The following C8orf34 variants were observed in gnomAD, a reference collection of about 807,000 sequenced individuals.
The protein encoded by C8orf34 is chromosome 8 open reading frame 34.
In C8orf34, 65 loss-of-function variants were observed where a neutral mutation model predicts 68.3. That is an observed-to-expected ratio of 0.95 (90% CI 0.78 to 1.17). C8orf34 has a LOEUF of 1.17. C8orf34 is among the 50% of genes most tolerant of loss of function. The pLI, the probability that C8orf34 is intolerant of heterozygous loss-of-function variation, is 0.00. For synonymous variants in C8orf34, 244 were observed against 241.2 expected, an observed-to-expected ratio of 1.01 and a Z score of -0.11; for missense variants, 664 against 655.4, an observed-to-expected ratio of 1.01 and a Z score of -0.14.
chr8:68,365,672 A>T (rs1390992321), intron 1 of C8orf34, among the ~76,000 whole-genome samples: 1 of 74,802 alleles, frequency 1.3e-5, no homozygotes, highest in Non-Finnish European at 2.4e-5. Context: ...TAGATGCAGA[A>T]AAAACCTTTG....
chr8:68,764,414 CAA>C (rs1413889712), intron 10 of C8orf34, among the ~76,000 whole-genome samples: 1 of 152,144 alleles, frequency 6.6e-6, no homozygotes, highest in African/African-American at 2.4e-5. Context: ...GTGGAGTCAA[CAA>C]TGTAGGAGAG....
chr8:68,705,168 A>G (rs1022671894), intron 8 of C8orf34, among the ~76,000 whole-genome samples: 1 of 152,192 alleles, frequency 6.6e-6, no homozygotes, highest in Non-Finnish European at 1.5e-5. Context: ...TATCTTGCAT[A>G]CAAGTAATAT....
chr8:68,614,602 T>C (rs1014845673), intron 7 of C8orf34, among the ~76,000 whole-genome samples: 1 of 152,148 alleles, frequency 6.6e-6, no homozygotes, highest in Non-Finnish European at 1.5e-5. Context: ...TAGTTGTAGA[T>C]ATGCGGTGTT....
At chr8:68,730,056 C>T (rs1328736327) in intron 10 of C8orf34, among the ~76,000 whole-genome samples, 2 of 152,112 alleles carry the variant, frequency 1.3e-5, no homozygotes, top group East Asian at 3.8e-4. Context: ...TGCAATTTTT[C>T]TTGCAATGTC....
At chr8:68,634,221 A>G (rs911839644) in intron 7 of C8orf34, among the ~76,000 whole-genome samples, 2 of 152,202 alleles carry the variant, frequency 1.3e-5, no homozygotes, top group Non-Finnish European at 2.9e-5. Flanking sequence ...ATAAGTGGGC[A>G]TCTTTCACAT....
At chr8:68,749,262 T>A (rs547055282) in intron 10 of C8orf34, among the ~76,000 whole-genome samples, 2 of 152,028 alleles carry the variant, frequency 1.3e-5, no homozygotes, top group East Asian at 3.9e-4. Flanking sequence ...GGGGAGGGAT[T>A]GCATTGGGAG....
chr8:68,464,695 G>A (rs2129629438), intron 3 of C8orf34, among the ~76,000 whole-genome samples: 1 of 151,094 alleles, frequency 6.6e-6, no homozygotes, highest in African/African-American at 2.4e-5. Context: ...AACAAGCAAT[G>A]GGGAAAGGAT....
At chr8:68,603,553 C>A (rs57805334) in intron 7 of C8orf34, among the ~76,000 whole-genome samples, 39,416 of 149,454 alleles carry the variant, frequency 0.26, 7,494 homozygotes, top group African/African-American at 0.54. Flanking sequence ...ATCTATCTAT[C>A]TATCTATCTA....
chr8:68,428,146 T>C (rs1276911178), intron 1 of C8orf34, among the ~76,000 whole-genome samples: 1 of 151,724 alleles, frequency 6.6e-6, no homozygotes, highest in Non-Finnish European at 1.5e-5. Flanking sequence ...TGAAAATATC[T>C]TCAAGCTTAA....
chr8:68,664,529 A>G (rs941434535), intron 8 of C8orf34, among the ~76,000 whole-genome samples: 1 of 152,226 alleles, frequency 6.6e-6, no homozygotes, highest in Non-Finnish European at 1.5e-5. Flanking sequence ...GCTATTCAAC[A>G]CTTTATTATA....
intron 3 of C8orf34, among the ~76,000 whole-genome samples, chr8:68,456,783 G>A (rs1262861383): frequency 6.6e-6 from 1 of 152,168 alleles, no homozygotes; most frequent in Non-Finnish European, 1.5e-5. Context: ...ATGCAAGCTG[G>A]CATAGGGACA....
At chr8:68,664,627 C>T (rs1819782469) in intron 8 of C8orf34, among the ~76,000 whole-genome samples, 1 of 152,112 alleles carries the variant, frequency 6.6e-6, no homozygotes, top group South Asian at 2.1e-4. Context: ...GCTAAATTAT[C>T]AGGATGTCAC....
chr8:68,408,820 GCT>G (rs1809317617), intron 1 of C8orf34, among the ~76,000 whole-genome samples: 2 of 152,038 alleles, frequency 1.3e-5, no homozygotes, highest in African/African-American at 4.8e-5. Flanking sequence ...ACGGAGTCTT[GCT>G]CTGTCACCCA....
chr8:68,740,207 G>A (rs1278900790), intron 10 of C8orf34, among the ~76,000 whole-genome samples: 11 of 152,022 alleles, frequency 7.2e-5, no homozygotes, highest in African/African-American at 2.7e-4. Context: ...AAAATTTCAC[G>A]ATAAAGATGC....
At position 68,794,502 on chromosome 8, in the gene C8orf34, TA is replaced by T. The variant is rs1204285289; in HGVS notation, c.1549+6967del. Among the ~76,000 whole-genome samples the T allele has an allele frequency of 8.0e-3, 577 of 71,984 alleles. 11 individuals are homozygous for T. Among genetic ancestry groups the T allele is most frequent in the African/African-American group, 0.015 (210 of 14,066 alleles). The allele number at this position is 71,984 out of a possible 152,430, so 47.2% of individuals were successfully genotyped here. A position where few individuals can be genotyped will look rare whatever the true frequency, so the allele number is the denominator to read the frequency against. ...ATATAAATATATATATATATATATA[TA>T]TATTTTTTTTTTTTTTTTTTAGACA... is the stretch of plus-strand genomic sequence containing the variant. On this transcript the variant is annotated intron_variant, in intron 12 of 13. Transcript: ENST00000518698.
intron 2 of C8orf34, among the ~76,000 whole-genome samples, chr8:68,442,785 G>A (rs1462579293): frequency 1.3e-5 from 2 of 152,166 alleles, no homozygotes; most frequent in African/African-American, 4.8e-5. Flanking sequence ...GCAGGGCAAG[G>A]AAGTATGAAG....
chr8:68,466,068 T>C (rs1278732422), intron 3 of C8orf34, among the ~76,000 whole-genome samples: 1 of 150,226 alleles, frequency 6.7e-6, no homozygotes, highest in East Asian at 1.9e-4. Flanking sequence ...AATCATGTCA[T>C]TCTCAGCAAC....
At chr8:68,375,143 A>G (rs1027283058) in intron 1 of C8orf34, among the ~76,000 whole-genome samples, 1 of 152,178 alleles carries the variant, frequency 6.6e-6, no homozygotes, top group Non-Finnish European at 1.5e-5. Flanking sequence ...TTTATGCCCT[A>G]TATAAGAGGC....
chr8:68,534,372 C>T (rs1815375706), intron 7 of C8orf34: 1 of 965,550 alleles, frequency 1.0e-6, no homozygotes, highest in African/African-American at 1.8e-5. Flanking sequence ...TTACTGAGCA[C>T]TTACTCTATG....
Sources: allele counts gnomAD v4.1 joint callset (sites outside exome capture counted in the v4.1 genomes callset), GRCh38; gene constraint gnomAD v4.1.1; transcripts MANE v1.5; gene names NCBI Gene and HGNC (gene_info 2026-07-23, HGNC 2026-07-21).